ADGRL2: variants seen among roughly 807,000 people sequenced by gnomAD.
The protein encoded by ADGRL2 is calcium-independent alpha-latrotoxin receptor 2.
In ADGRL2, 44 loss-of-function variants were observed where a neutral mutation model predicts 157.4. The ratio of observed to expected loss-of-function variants is 0.28; its 90% CI spans 0.22 to 0.36. The LOEUF is 0.36. Ranked by LOEUF, ADGRL2 falls within the 10% of genes least tolerant of loss-of-function variation. ADGRL2 has a pLI of 1.00. For synonymous variants in ADGRL2, 585 were observed against 624.7 expected (o/e 0.94, Z 0.95); for missense variants, 1,510 against 1,768.9 (o/e 0.85, Z 2.63).
chr1:81,429,559 G>A (rs1397217476), intron 1 of ADGRL2, among the ~76,000 whole-genome samples: 1 of 152,184 alleles, frequency 6.6e-6, no homozygotes, highest in African/African-American at 2.4e-5. Context: ...CAAATTGGTT[G>A]CAGTAAAGAA....
intron 2 of ADGRL2, among the ~76,000 whole-genome samples, chr1:81,548,665 T>C (rs2080076509): frequency 6.6e-6 from 1 of 152,106 alleles, no homozygotes; most frequent in South Asian, 2.1e-4. Context: ...GACATAATTG[T>C]ATTCCAAGGT....
rs528637557 is a variant in ADGRL2 at position 81,926,908 on chromosome 1, C to T, written c.288-9820C>T. Among the ~76,000 whole-genome samples the T allele has an allele frequency of 4.4e-4, 67 of 151,900 alleles. No individual in the cohort carries two copies. In the East Asian group the frequency reaches 0.011, roughly 25 times the overall value. ...TTTGCATTAAACTGACCCCAAGGTC[C>T]GGTAAAAACTGCAAGGAATTTCAAA... On this transcript the variant is annotated intron_variant, in intron 3 of 23. Transcript: ENST00000686636.
intron 1 of ADGRL2, among the ~76,000 whole-genome samples, chr1:81,345,223 G>A (rs1662393968): frequency 6.6e-6 from 1 of 151,978 alleles, no homozygotes; most frequent in Non-Finnish European, 1.5e-5. Context: ...CCAAATATAG[G>A]GCAGCTCTCA....
intron 2 of ADGRL2, among the ~76,000 whole-genome samples, chr1:81,466,085 A>G (rs1316031699): frequency 6.6e-6 from 1 of 152,252 alleles, no homozygotes; most frequent in African/African-American, 2.4e-5. Context: ...ATTGTAAAGT[A>G]ATCTGCAAGA....
chr1:81,747,211 A>G (rs2085321035), intron 1 of ADGRL2, among the ~76,000 whole-genome samples: 1 of 147,052 alleles, frequency 6.8e-6, no homozygotes, highest in Admixed American at 6.8e-5. Flanking sequence ...ATATATATGT[A>G]TGTGTGTATA....
At chr1:81,747,467 ATTGT>A (rs949059445) in intron 1 of ADGRL2, among the ~76,000 whole-genome samples, 1 of 151,570 alleles carries the variant, frequency 6.6e-6, no homozygotes, top group African/African-American at 2.4e-5. Flanking sequence ...TGCTCAGCTA[ATTGT>A]TTGTATTTTT....
intron 2 of ADGRL2, among the ~76,000 whole-genome samples, chr1:81,558,942 G>T (rs1340812372): frequency 3.9e-5 from 6 of 152,150 alleles, no homozygotes; most frequent in African/African-American, 1.4e-4. Context: ...ATAAAGAATT[G>T]TGCCTGGTCT....
chr1:81,514,561 G>A (rs189340312), intron 2 of ADGRL2: 7 of 152,002 alleles, frequency 4.6e-5, no homozygotes, highest in South Asian at 2.1e-4. Context: ...CATTTTTTGC[G>A]CAGATTTTCC....
At chr1:81,968,271 C>T in intron 14 of ADGRL2, 72 bp downstream of exon 14, 1 of 1,304,010 alleles carries the variant, frequency 7.7e-7, no homozygotes, top group Non-Finnish European at 1.1e-6. Flanking sequence ...ATAATAGTCC[C>T]ATTCTTTGGG....
chr1:81,904,478 T>C (rs2094548563), intron 2 of ADGRL2, among the ~76,000 whole-genome samples: 1 of 152,196 alleles, frequency 6.6e-6, no homozygotes, highest in Admixed American at 6.5e-5. Context: ...AGCTTATGGT[T>C]CTGGGGTTCT....
chr1:81,744,489 C>T (rs938425582), intron 1 of ADGRL2, among the ~76,000 whole-genome samples: 3 of 152,130 alleles, frequency 2.0e-5, no homozygotes, highest in African/African-American at 7.2e-5. Context: ...CCACTACGCC[C>T]TCTGTGTTCT....
intron 3 of ADGRL2, among the ~76,000 whole-genome samples, chr1:81,648,286 C>T (rs564588039): frequency 6.6e-6 from 1 of 152,256 alleles, no homozygotes; most frequent in South Asian, 2.1e-4. Flanking sequence ...GACAATGAAT[C>T]TGACTCCCTC....
intron 3 of ADGRL2, among the ~76,000 whole-genome samples, chr1:81,590,180 C>T (rs1292533686): frequency 6.6e-6 from 1 of 152,126 alleles, no homozygotes; most frequent in African/African-American, 2.4e-5. Flanking sequence ...CCAGCATCTC[C>T]GTCAGTCAAT....
chr1:81,806,560 G>A (rs927640277), intron 1 of ADGRL2, among the ~76,000 whole-genome samples: 4 of 151,952 alleles, frequency 2.6e-5, no homozygotes, highest in African/African-American at 9.7e-5. Context: ...TGTCATGAAG[G>A]TCAAGAGGTA....
chr1:81,937,383 A>G (rs1375913273), intron 4 of ADGRL2, among the ~76,000 whole-genome samples: 3 of 151,856 alleles, frequency 2.0e-5, no homozygotes, highest in African/African-American at 7.2e-5. Context: ...ATAACCTTGC[A>G]CATGGTTCTG....
chr1:81,739,323 T>C (rs1014543445), intron 1 of ADGRL2, among the ~76,000 whole-genome samples: 3 of 152,174 alleles, frequency 2.0e-5, no homozygotes, highest in Non-Finnish European at 4.4e-5. Context: ...AGAATAGATA[T>C]GTTGGAATGC....
intron 1 of ADGRL2, among the ~76,000 whole-genome samples, chr1:81,803,002 G>A (rs1443538174): frequency 6.6e-6 from 1 of 152,138 alleles, no homozygotes; most frequent in East Asian, 1.9e-4. Flanking sequence ...CGGGCCACGG[G>A]GAGGGCAGAG....
At chr1:81,366,122 G>T (rs913113128) in intron 1 of ADGRL2, among the ~76,000 whole-genome samples, 57 of 152,080 alleles carry the variant, frequency 3.7e-4, no homozygotes, top group African/African-American at 1.3e-3. Context: ...AAATATCTAT[G>T]AAAATCTTTA....
intron 2 of ADGRL2, among the ~76,000 whole-genome samples, chr1:81,563,714 T>C (rs563641192): frequency 6.6e-6 from 1 of 152,314 alleles, no homozygotes; most frequent in South Asian, 2.1e-4. Flanking sequence ...ATTTCTCATA[T>C]TAAATCTCCA....
Sources: allele counts gnomAD v4.1 joint callset (sites outside exome capture counted in the v4.1 genomes callset), GRCh38; gene constraint gnomAD v4.1.1; transcripts MANE v1.5; gene names NCBI Gene and HGNC (gene_info 2026-07-23, HGNC 2026-07-21).